Variants in GPM6B observed in about 807,000 individuals in gnomAD.
GPM6B encodes the protein neuronal membrane glycoprotein M6-b.
GPM6B carries 4 observed loss-of-function variants against 27.2 expected under a neutral mutation model. The observed-to-expected ratio is 0.15, with a 90% CI of 0.07 to 0.34. The LOEUF is 0.34. GPM6B is among the 10% of genes least tolerant of loss of function. GPM6B has a pLI of 1.00. For synonymous variants in GPM6B, 124 were observed against 103.1 expected, an observed-to-expected ratio of 1.20 and a Z score of -1.23; for missense variants, 183 against 261.9, an observed-to-expected ratio of 0.70 and a Z score of 2.08.
chrX:13,828,505 G>A lies in GPM6B; in HGVS notation c.-197-42697C>T, dbSNP rs564233689. Among the ~76,000 whole-genome samples the A allele has an allele frequency of 2.2e-4, 24 of 111,262 alleles. No homozygotes were observed. The South Asian group carries it at 8.8e-3, about 41-fold the overall frequency. On this transcript the variant is annotated intron_variant, in intron 1 of 6. Coordinates refer to the GPM6B transcript ENST00000398361. Reference sequence around the variant, plus strand: ...TGTAAGAAATAATTTTTTTTTCTTTGTAAGTTTCCCAATTTCAGGTATCTT... The same window carrying A: ...TGTAAGAAATAATTTTTTTTTCTTTATAAGTTTCCCAATTTCAGGTATCTT...
chrX:13,896,756 C>T (rs1012355796), intron 1 of GPM6B, among the ~76,000 whole-genome samples: 4 of 110,545 alleles, frequency 3.6e-5, no homozygotes, highest in South Asian at 7.8e-4. Flanking sequence ...TTAGTAGAGA[C>T]GGGGTTTCAC....
At chrX:13,827,928 T>G (rs1443550915) in intron 1 of GPM6B, among the ~76,000 whole-genome samples, 2 of 110,843 alleles carry the variant, frequency 1.8e-5, no homozygotes, top group African/African-American at 6.6e-5. Flanking sequence ...TGAAATAGAG[T>G]CAATGTGTGG....
chrX:13,838,863 G>A (rs144698331), intron 1 of GPM6B, among the ~76,000 whole-genome samples: 17 of 111,439 alleles, frequency 1.5e-4, no homozygotes, highest in African/African-American at 5.5e-4. Flanking sequence ...CCATCCTCCT[G>A]TAAACCAAAA....
chrX:13,812,881 G>T (rs767916290), intron 1 of GPM6B: 1 of 105,546 alleles, frequency 9.5e-6, no homozygotes, highest in Non-Finnish European at 1.9e-5. Context: ...CAAATGGCTC[G>T]TTGAGATCTT....
chrX:13,904,977 A>G (rs1286656190), intron 1 of GPM6B, among the ~76,000 whole-genome samples: 1 of 110,578 alleles, frequency 9.0e-6, no homozygotes, highest in African/African-American at 3.3e-5. Flanking sequence ...GCTCGCACCT[A>G]TAATCTCAGT....
At chrX:13,814,483 C>G (rs377034473) in intron 1 of GPM6B, among the ~76,000 whole-genome samples, 24 of 112,571 alleles carry the variant, frequency 2.1e-4, no homozygotes, top group East Asian at 1.4e-3. Flanking sequence ...TCCACCAGCT[C>G]AAGAATTATA....
Position 13,781,605 on chromosome X carries a change from T to G in GPM6B, c.526-1616A>C, listed in dbSNP as rs1441916195. 2.7e-5 allele frequency among the ~76,000 whole-genome samples: 3 copies of G among 111,432 alleles called. No individual in the cohort carries two copies. The Admixed American group carries it at 2.9e-4, about 11-fold the overall frequency. The stretch of plus-strand genomic sequence containing the variant: ...CTACCCTCCTCTCCCATGTGAATTG[T>G]ATATTCAATGAAAGGCTAATCAGAG... On this transcript the variant is annotated intron_variant, in intron 4 of 7. Coordinates refer to ENST00000316715, the MANE Select transcript of GPM6B (RefSeq NM_001001995.3).
chrX:13,932,512 G>T (rs979369446), intron 1 of GPM6B, among the ~76,000 whole-genome samples: 62 of 111,903 alleles, frequency 5.5e-4, no homozygotes, highest in African/African-American at 1.9e-3. Flanking sequence ...TTTGCTTCAA[G>T]ACTTAGCACA....
At chrX:13,924,668 C>G (rs1921084425) in intron 1 of GPM6B, among the ~76,000 whole-genome samples, 1 of 111,681 alleles carries the variant, frequency 9.0e-6, no homozygotes, top group Non-Finnish European at 1.9e-5. Context: ...TTCTTGTATT[C>G]TGCATAAATA....
chrX:13,796,168 G>A (rs1422240422), intron 2 of GPM6B, among the ~76,000 whole-genome samples: 14 of 111,233 alleles, frequency 1.3e-4, no homozygotes, highest in Non-Finnish European at 1.7e-4. Context: ...CAGGTGATCC[G>A]CCCACCTCGG....
chrX:13,816,837 T>C lies in GPM6B; in HGVS notation c.61+7A>G, dbSNP rs1222890026. 7 of 1,208,853 alleles carry C rather than the reference T, an allele frequency of 5.8e-6. No individual in the cohort carries two copies. Among genetic ancestry groups the C allele is most frequent in the Non-Finnish European group, 7.8e-6 (7 of 894,635 alleles). On this transcript the variant is annotated splice_region_variant and intron_variant, in intron 1 of 7. Transcript: ENST00000316715. The stretch of plus-strand genomic sequence containing the variant: ...TTTAAACAGGCTATTGTCAGAGCGC[T>C]GGGTACCTTTTCTCTCTTGGCTTTG...
rs1223883770 is a variant in GPM6B, at chrX:13,772,967, C to G, written c.901G>C (p.Ala301Pro). Residue 301 changes from alanine (A) to proline (P), a missense_variant, in exon 8 of 8, where the codon GCT becomes CCT. By Grantham distance (27) the Ala-to-Pro change is conservative. Coordinates refer to ENST00000316715, the MANE Select transcript of GPM6B (RefSeq NM_001001995.3). ...TCCTTTGCTTTGATATCCTGGTAAG[C>G]CTGCATTTTGCTCGCATCCTTTAAG... ...AYLKDASKMQ[A>P]YQDIKAKEEQ... The G allele has an allele frequency of 8.3e-7, 1 of 1,208,911 alleles. No individual in the cohort carries two copies. Among genetic ancestry groups the G allele is most frequent in the Non-Finnish European group, 1.1e-6 (1 of 893,135 alleles).
rs57592217 is a variant in GPM6B, at chrX:13,853,081, G to T, written c.-197-67273C>A. 0.022 allele frequency among the ~76,000 whole-genome samples: 2,440 copies of T among 111,124 alleles called. 68 individuals are homozygous for T. The South Asian group carries it at 0.23, about 11-fold the overall frequency. On this transcript the variant is annotated intron_variant, in intron 1 of 6. Coordinates refer to the GPM6B transcript ENST00000398361. ...AACTGACAACATGTCCTCGACAAGG[G>T]TTGTTCCATGTTCGTACTCCCACCA... is the stretch of plus-strand genomic sequence containing the variant.
intron 1 of GPM6B, among the ~76,000 whole-genome samples, chrX:13,822,785 C>T (rs1006099757): frequency 1.8e-5 from 2 of 111,575 alleles, no homozygotes; most frequent in African/African-American, 6.5e-5. Context: ...ATAAATACAG[C>T]AAGAATTCTT....
At chrX:13,903,553 C>T (rs868363971) in intron 1 of GPM6B, among the ~76,000 whole-genome samples, 33 of 111,921 alleles carry the variant, frequency 2.9e-4, no homozygotes, top group Admixed American at 2.7e-3. Flanking sequence ...CATTTTACCA[C>T]GCAGACTCTT....
intron 4 of GPM6B, among the ~76,000 whole-genome samples, chrX:13,780,727 G>C (rs966384781): frequency 9.0e-6 from 1 of 111,638 alleles, no homozygotes; most frequent in African/African-American, 3.3e-5. Flanking sequence ...ATAGAATCCC[G>C]TTGCTTGGCT....
chrX:13,812,880 C>T (rs1226433789), intron 1 of GPM6B: 1 of 106,145 alleles, frequency 9.4e-6, no homozygotes, highest in East Asian at 2.9e-4. Flanking sequence ...CCAAATGGCT[C>T]GTTGAGATCT....
intron 1 of GPM6B, among the ~76,000 whole-genome samples, chrX:13,883,694 A>G (rs1386879215): frequency 1.3e-5 from 1 of 79,500 alleles, no homozygotes; most frequent in Non-Finnish European, 2.4e-5. Flanking sequence ...TTCGTCTCTT[A>G]AAAAAAAAAA....
intron 1 of GPM6B, among the ~76,000 whole-genome samples, chrX:13,843,754 T>G (rs750956313): frequency 2.1e-4 from 24 of 112,352 alleles, no homozygotes; most frequent in Non-Finnish European, 3.9e-4. Flanking sequence ...GCCTATCACA[T>G]CCTTTATTTT....
Sources: gnomAD v4.1 joint callset for allele counts (sites outside exome capture counted in the v4.1 genomes callset) on GRCh38, gnomAD v4.1.1 for gene constraint, MANE v1.5 for transcripts, NCBI Gene and HGNC (gene_info 2026-07-23, HGNC 2026-07-21) for gene names.